Variants in RFX3 observed in about 807,000 individuals in gnomAD.
RFX3 encodes the protein regulatory factor X3, also known as transcription factor RFX3.
A neutral mutation model predicts 98.6 loss-of-function variants in RFX3; 14 were observed. That is an observed-to-expected ratio of 0.14 (90% CI 0.09 to 0.22). The LOEUF (loss-of-function observed/expected upper bound fraction) is 0.22. Ranked by LOEUF, RFX3 falls within the 10% of genes least tolerant of loss-of-function variation. The probability of loss-of-function intolerance (pLI) is 1.00; values close to 1 mark genes in which losing one functional copy is unlikely to be tolerated. For missense variants in RFX3, 639 were observed against 926.9 expected (o/e 0.69, Z 4.03); for synonymous variants, 383 against 328.4 (o/e 1.17, Z -1.80).
intron 2 of RFX3, among the ~76,000 whole-genome samples, chr9:3,374,480 T>C (rs538947573): frequency 1.3e-5 from 2 of 152,214 alleles, no homozygotes; most frequent in Admixed American, 1.3e-4. Flanking sequence ...CAAGGGAAGA[T>C]GAATGAATAA....
intron 1 of RFX3, among the ~76,000 whole-genome samples, chr9:3,498,674 C>A (rs1432178167): frequency 6.6e-6 from 1 of 152,016 alleles, no homozygotes; most frequent in Non-Finnish European, 1.5e-5. Context: ...TACCACAAGT[C>A]CTGTGCACAA....
At chr9:3,475,325 G>A (rs1587801226) in intron 1 of RFX3, among the ~76,000 whole-genome samples, 2 of 151,546 alleles carry the variant, frequency 1.3e-5, no homozygotes, top group Admixed American at 1.3e-4. Context: ...AGCTGGGCCC[G>A]GGGGACCGCA....
chr9:3,260,724 A>G lies in RFX3; in HGVS notation c.1605+2211T>C, dbSNP rs975997154. 2.0e-5 allele frequency among the ~76,000 whole-genome samples: 3 copies of G among 151,576 alleles called. No homozygotes were observed. The South Asian group carries it at 6.2e-4, about 31-fold the overall frequency. ...TTCAGTTAATACATCCCACGGAAAT[A>G]TGTAAAGTAAATGGTTTTGTAAAGC... is the stretch of plus-strand genomic sequence containing the variant. On this transcript the variant is annotated intron_variant, in intron 13 of 16. Coordinates refer to ENST00000617270, the MANE Select transcript of RFX3 (RefSeq NM_001282116.2).
In RFX3 at chr9:3,431,542, C is replaced by T. The variant is rs186309716; in HGVS notation, c.-8-35946G>A. Reference sequence around the variant, plus strand: ...AAACCCCGCACTTTTTGCAAATTACCCTTTTCTGTCATATTGAAAATGCAG... The same window carrying T: ...AAACCCCGCACTTTTTGCAAATTACTCTTTTCTGTCATATTGAAAATGCAG... On this transcript the variant is annotated intron_variant, in intron 1 of 16. Coordinates refer to ENST00000617270, the MANE Select transcript of RFX3 (RefSeq NM_001282116.2). Among the ~76,000 whole-genome samples, 4 of 152,142 alleles carry T rather than the reference C, an allele frequency of 2.6e-5. No homozygotes were observed. In the East Asian group the frequency reaches 7.7e-4, roughly 29 times the overall value.
intron 4 of RFX3, among the ~76,000 whole-genome samples, chr9:3,313,007 AAG>A (rs1369844649): frequency 1.3e-5 from 2 of 152,202 alleles, no homozygotes; most frequent in African/African-American, 4.8e-5. Flanking sequence ...GACAGCTTTG[AAG>A]AGAGTAGTGG....
chr9:3,479,563 C>T (rs1849566934), intron 1 of RFX3, among the ~76,000 whole-genome samples: 1 of 151,916 alleles, frequency 6.6e-6, no homozygotes, highest in African/African-American at 2.4e-5. Context: ...TCACATCTTT[C>T]CTGTTAACTA....
chr9:3,238,319 G>A (rs529813099), intron 15 of RFX3, among the ~76,000 whole-genome samples: 82 of 152,296 alleles, frequency 5.4e-4, no homozygotes, highest in African/African-American at 1.9e-3. Context: ...AACTAGGACT[G>A]GAGCTGGAAG....
At chr9:3,318,439 T>A (rs551365474) in intron 4 of RFX3, among the ~76,000 whole-genome samples, 1 of 151,688 alleles carries the variant, frequency 6.6e-6, no homozygotes, top group East Asian at 1.9e-4. Flanking sequence ...AGTTAACGGG[T>A]GCAGCACACC....
chr9:3,316,178 C>T (rs543180148), intron 4 of RFX3, among the ~76,000 whole-genome samples: 1 of 152,250 alleles, frequency 6.6e-6, no homozygotes, highest in Admixed American at 6.5e-5. Flanking sequence ...CTATCTACCA[C>T]TATCAAGTTG....
chr9:3,301,001 G>A (rs937972035), intron 5 of RFX3, among the ~76,000 whole-genome samples: 1 of 151,294 alleles, frequency 6.6e-6, no homozygotes. Context: ...TTTTTCTTTT[G>A]GTTCACTTTT....
chr9:3,298,021 T>C (rs1236409835), intron 5 of RFX3, among the ~76,000 whole-genome samples: 1 of 151,854 alleles, frequency 6.6e-6, no homozygotes, highest in African/African-American at 2.4e-5. Flanking sequence ...AAGAATTAAA[T>C]ATTTTAATTT....
intron 1 of RFX3, among the ~76,000 whole-genome samples, chr9:3,406,055 C>T (rs957705875): frequency 2.0e-5 from 3 of 152,136 alleles, no homozygotes; most frequent in African/African-American, 7.2e-5. Flanking sequence ...CTCCCAGTCC[C>T]TGGTGATCCT....
At chr9:3,489,127 C>A (rs1850524748) in intron 1 of RFX3, among the ~76,000 whole-genome samples, 1 of 151,790 alleles carries the variant, frequency 6.6e-6, no homozygotes, top group Non-Finnish European at 1.5e-5. Flanking sequence ...TAAATAATAC[C>A]AATTTTAATA....
chr9:3,367,869 T>C (rs1451470915), intron 2 of RFX3, among the ~76,000 whole-genome samples: 1 of 152,134 alleles, frequency 6.6e-6, no homozygotes, highest in African/African-American at 2.4e-5. Context: ...CAAGACGAAA[T>C]CTCAAAGTCA....
intron 13 of RFX3, among the ~76,000 whole-genome samples, chr9:3,257,450 T>C (rs1283759331): frequency 6.6e-6 from 1 of 152,128 alleles, no homozygotes; most frequent in Non-Finnish European, 1.5e-5. Flanking sequence ...TATCATTTGG[T>C]TTTTCTACAT....
intron 1 of RFX3, among the ~76,000 whole-genome samples, chr9:3,496,425 C>T (rs1287416854): frequency 6.6e-6 from 1 of 151,858 alleles, no homozygotes; most frequent in Non-Finnish European, 1.5e-5. Flanking sequence ...CAGTACATAA[C>T]ATTCCTCTTT....
chr9:3,319,679 T>C (rs1271537766), intron 4 of RFX3, among the ~76,000 whole-genome samples: 1 of 152,088 alleles, frequency 6.6e-6, no homozygotes, highest in Non-Finnish European at 1.5e-5. Flanking sequence ...AAACTAACCC[T>C]AAAAAGAAGT....
At chr9:3,256,904 C>A (rs1822218072) in intron 14 of RFX3, 87 bp downstream of exon 14, 1 of 1,254,010 alleles carries the variant, frequency 8.0e-7, no homozygotes. Context: ...ACTTTCTTTT[C>A]TTTTGTCACA....
intron 15 of RFX3, among the ~76,000 whole-genome samples, chr9:3,233,068 C>T (rs1449466947): frequency 6.6e-6 from 1 of 152,184 alleles, no homozygotes; most frequent in East Asian, 1.9e-4. Flanking sequence ...TACTTCCTAT[C>T]CTATAGACTA....
Sources: allele counts gnomAD v4.1 joint callset (sites outside exome capture counted in the v4.1 genomes callset), GRCh38; gene constraint gnomAD v4.1.1; transcripts MANE v1.5; gene names NCBI Gene and HGNC (gene_info 2026-07-23, HGNC 2026-07-21).